The following LILRB5 variants were observed in gnomAD, a reference collection of about 807,000 sequenced individuals.
LILRB5 encodes leukocyte immunoglobulin-like receptor subfamily B member 5.
Under a neutral mutation model 68.4 loss-of-function variants are expected in LILRB5, and 61 were observed. That is an observed-to-expected ratio of 0.89 (90% confidence interval 0.73 to 1.10). LILRB5 has a LOEUF of 1.10. LILRB5 is among the 50% of genes least tolerant of loss of function. The probability of loss-of-function intolerance (pLI) is 0.00; values close to 1 mark genes in which losing one functional copy is unlikely to be tolerated. For missense variants in LILRB5, 771 were observed against 751.6 expected, an observed-to-expected ratio of 1.03 and a Z score of -0.30; for synonymous variants, 356 against 315.8, an observed-to-expected ratio of 1.13 and a Z score of -1.35.
In LILRB5 at chr19:54,254,393, G is replaced by C; in HGVS notation, c.1278C>G (p.Leu426=). Residue 426 remains leucine (L), a synonymous_variant, in exon 7 of 13, where the codon CTC becomes CTG. Transcript: ENST00000449561. ...VVSGPSGDPS[L]SPTGSTPTPA... Reference sequence around the variant, plus strand: ...GTGTGGGGGTGGAGCCTGTAGGTGAGAGGCTGGGATCCCCAGAGGGTCCTG... The same window carrying C: ...GTGTGGGGGTGGAGCCTGTAGGTGACAGGCTGGGATCCCCAGAGGGTCCTG... 6.3e-7 allele frequency: 1 copy of C among 1,586,166 alleles called. No homozygotes were observed. The highest frequency in any genetic ancestry group is 8.6e-7 in the Non-Finnish European group (1 of 1,166,192).
intron 12 of LILRB5, chr19:54,251,300 T>C (rs1045986073): frequency 2.4e-6 from 2 of 836,668 alleles, no homozygotes; most frequent in Non-Finnish European, 3.7e-6. Context: ...CCTAAGGCCG[T>C]GGAGGGTCTG....
At chr19:54,256,391 C>A in intron 3 of LILRB5, 49 bp from the exon 4 acceptor site, 1 of 1,587,182 alleles carries the variant, frequency 6.3e-7, no homozygotes, top group Admixed American at 1.7e-5. Context: ...CCTCCCACAT[C>A]ATCCCCAGGG....
At position 54,256,700 on chromosome 19, in the gene LILRB5, C is replaced by G. The variant is rs777877120; in HGVS notation, c.144G>C (p.Trp48Cys). The stretch of plus-strand genomic sequence containing the variant: ...CCTCAGTCTCCAGGGGCCCCTGACA[C>G]CAGAGGGTCACGGGCTTCCCCCGAG... ...VIARGKPVTLWCQGPLETEEY... is the reference protein window; with the variant it reads ...VIARGKPVTLCCQGPLETEEY... The change falls in exon 3 of 13, where the codon TGG becomes TGC. Residue 48 changes from tryptophan to cysteine, a missense_variant. By Grantham distance (215) the Trp-to-Cys change is radical. Coordinates refer to ENST00000449561, the MANE Select transcript of LILRB5 (RefSeq NM_001081442.3). 6.2e-7 allele frequency: 1 copy of G among 1,614,014 alleles called. No homozygotes were observed. Among genetic ancestry groups the G allele is most frequent in the African/African-American group, 1.3e-5 (1 of 74,920 alleles).
chr19:54,251,472 C>T (rs1252791226), intron 12 of LILRB5: 2 of 545,388 alleles, frequency 3.7e-6, no homozygotes, highest in East Asian at 6.3e-5. Flanking sequence ...GATCGTGTGC[C>T]CCACTCTGTC....
At chr19:54,254,620 G>T in intron 6 of LILRB5, 115 bp downstream of exon 6, 1 of 1,371,488 alleles carries the variant, frequency 7.3e-7, no homozygotes, top group Non-Finnish European at 1.0e-6. Flanking sequence ...CTCTGGCTGA[G>T]CCCCCCTCAA....
At chr19:54,253,663 C>T in intron 8 of LILRB5, 1 of 651,596 alleles carries the variant, frequency 1.5e-6, no homozygotes, top group Non-Finnish European at 2.6e-6. Context: ...TGCCTGGGCC[C>T]ACGGTGGGAT....
At position 54,251,951 on chromosome 19, in the gene LILRB5, C is replaced by T. The variant is rs147126602; in HGVS notation, c.1629+103G>A. 2.0e-5 allele frequency: 24 copies of T among 1,203,610 alleles called. No homozygotes were observed. The East Asian group carries it at 2.8e-4, about 14-fold the overall frequency. 74.6% of individuals were successfully genotyped at this position (1,203,610 alleles called of 1,614,324 possible). On this transcript the variant is annotated intron_variant, in intron 12 of 12. Transcript: ENST00000449561. ...GCGTGCTGGACAAGGAGGGGTCCAC[C>T]GTGACGATGCTGAGAGCCGGGGGAA...
intron 11 of LILRB5, 63 bp downstream of exon 11, chr19:54,252,303 T>G: frequency 1.3e-6 from 2 of 1,517,240 alleles, no homozygotes; most frequent in Non-Finnish European, 1.8e-6. Flanking sequence ...CCTGCCCCCA[T>G]TGCTACAGAA....
At position 54,254,784 on chromosome 19, in the gene LILRB5, G is replaced by T. The variant is rs377319354; in HGVS notation, c.1206C>A (p.Tyr402Ter). 3.7e-6 allele frequency: 6 copies of T among 1,614,040 alleles called. No individual in the cohort carries two copies. The highest frequency in any genetic ancestry group is 1.7e-5 in the Admixed American group (1 of 60,002). The part of the protein sequence containing the change: ...TYRCYSAIRS[Y>*]PYLLSSPSYP... ...AACTAGGGCTGGACAGCAGGTAGGG[G>T]TAGGACCTGATTGCGCTGTAGCATC... Residue 402 changes from tyrosine (Y) to a stop codon, truncating the protein, a stop_gained, in exon 6 of 13, where the codon TAC becomes TAA. Coordinates refer to ENST00000449561, the MANE Select transcript of LILRB5 (RefSeq NM_001081442.3). LOFTEE classifies it high-confidence loss of function.
intron 3 of LILRB5, 32 bp downstream of exon 3, chr19:54,256,457 C>G: frequency 6.2e-7 from 1 of 1,611,352 alleles, no homozygotes; most frequent in Non-Finnish European, 8.5e-7. Context: ...GAGGGCAGAG[C>G]CTGGGGCTGG....
chr19:54,252,032 C>A (rs372563388), intron 12 of LILRB5, 22 bp downstream of exon 12: 1 of 1,612,256 alleles, frequency 6.2e-7, no homozygotes, highest in East Asian at 2.2e-5. Context: ...CTTTGGTGCC[C>A]GGGACAGGGG....
At chr19:54,253,800 T>C in intron 8 of LILRB5, 1 of 1,451,526 alleles carries the variant, frequency 6.9e-7, no homozygotes, top group Non-Finnish European at 9.3e-7. Context: ...TCCCCTCCCC[T>C]GCCCCAGGTC....
intron 3 of LILRB5, 39 bp downstream of exon 3, chr19:54,256,450 G>A (rs761013562): frequency 1.2e-6 from 2 of 1,609,490 alleles, no homozygotes. Context: ...TCTTCCTGAG[G>A]GCAGAGCCTG....
chr19:54,257,123 A>G (rs2079174390), intron 1 of LILRB5, 37 bp downstream of exon 1: 1 of 1,614,072 alleles, frequency 6.2e-7, no homozygotes, highest in African/African-American at 1.3e-5. Context: ...AGCTCCCTCC[A>G]AGACGGGGAC....
At chr19:54,253,883 C>T (rs1255037818) in intron 8 of LILRB5, 135 bp downstream of exon 8, 5 of 1,528,822 alleles carry the variant, frequency 3.3e-6, no homozygotes, top group African/African-American at 1.4e-5. Context: ...CTCCTTTACA[C>T]TTGGAGAAAC....
chr19:54,254,947 T>C lies in LILRB5; in HGVS notation c.1043A>G (p.His348Arg), dbSNP rs201168501. Residue 348 changes from histidine (H) to arginine (R), a missense_variant, in exon 6 of 13, where the codon CAT becomes CGT. Coordinates refer to ENST00000449561, the MANE Select transcript of LILRB5 (RefSeq NM_001081442.3). Reference protein sequence around the residue: ...ENVTLLCQSWHQIDTFFLTKE... With the variant: ...ENVTLLCQSWRQIDTFFLTKE... ...GGTCAAAAAGAAAGTGTCTATCTGATGCCATGACTGACACAGCAGGGTCAC... is the reference window on the plus strand; with the variant it reads ...GGTCAAAAAGAAAGTGTCTATCTGACGCCATGACTGACACAGCAGGGTCAC... 316 of 1,613,662 alleles carry C rather than the reference T, an allele frequency of 2.0e-4. No homozygotes were observed. Among genetic ancestry groups the C allele is most frequent in the Non-Finnish European group, 1.5e-4 (179 of 1,179,810 alleles).
At chr19:54,254,124 G>A (rs1453138096) in intron 7 of LILRB5, 56 bp from the exon 8 acceptor site, 6 of 1,559,576 alleles carry the variant, frequency 3.8e-6, no homozygotes, top group East Asian at 2.3e-5. Flanking sequence ...ACATCAGCCC[G>A]GCTGCTCCTC....
chr19:54,255,036 T>A lies in LILRB5; in HGVS notation c.954A>T (p.Gly318=). ...PSDPLDILIA[G]LIPDIPALSV... is the part of the protein sequence containing the mutation. ...AGAGGGCGGGTATGTCAGGGATCAG[T>A]CCTGGAGAGAAGAAGGATGGGTGAG... is the stretch of plus-strand genomic sequence containing the variant. The change falls in exon 6 of 13, where the codon GGA becomes GGT. Residue 318 remains glycine (G), a splice_region_variant and synonymous_variant. Coordinates refer to ENST00000449561, the MANE Select transcript of LILRB5 (RefSeq NM_001081442.3). The A allele has an allele frequency of 6.3e-7, 1 of 1,596,094 alleles. No homozygotes were observed. Among genetic ancestry groups the A allele is most frequent in the Non-Finnish European group, 8.6e-7 (1 of 1,169,242 alleles).
chr19:54,251,474 C>T (rs2078951700), intron 12 of LILRB5: 1 of 545,236 alleles, frequency 1.8e-6, no homozygotes, highest in Admixed American at 3.1e-5. Flanking sequence ...TCGTGTGCCC[C>T]ACTCTGTCCA....
Sources: allele counts gnomAD v4.1 joint callset, GRCh38; gene constraint gnomAD v4.1.1; transcripts MANE v1.5; gene names NCBI Gene and HGNC (gene_info 2026-07-23, HGNC 2026-07-21).